The following MKLN1 variants were observed in gnomAD, a reference collection of about 807,000 sequenced individuals.
MKLN1 encodes muskelin.
A neutral mutation model predicts 99.0 loss-of-function variants in MKLN1; 18 were observed. The observed-to-expected ratio is 0.18, with a 90% confidence interval of 0.13 to 0.27. The LOEUF (loss-of-function observed/expected upper bound fraction) is 0.27, where lower values mean the gene tolerates loss of function less well. Ranked by LOEUF, MKLN1 falls within the 10% of genes least tolerant of loss-of-function variation. The pLI is 1.00. For missense variants in MKLN1, 621 were observed against 875.9 expected (o/e 0.71, Z 3.67); for synonymous variants, 288 against 293.2 (o/e 0.98, Z 0.18).
At chr7:131,342,112 T>C (rs1318423073) in intron 1 of MKLN1, among the ~76,000 whole-genome samples, 1 of 152,208 alleles carries the variant, frequency 6.6e-6, no homozygotes, top group Non-Finnish European at 1.5e-5. Context: ...GGTCATTTGC[T>C]AACTATGATT....
In MKLN1 at chr7:131,488,710, A is replaced by G. The variant is rs539736413; in HGVS notation, c.*982A>G. ...AGTTTCCAGAGCTTTGCTTTCATTT[A>G]TTTTTATACACATTGTCTCTCTATA... On this transcript the variant is annotated 3_prime_UTR_variant, in exon 18 of 18. Coordinates refer to ENST00000352689, the MANE Select transcript of MKLN1 (RefSeq NM_013255.5). 4.7e-4 allele frequency: 71 copies of G among 152,386 alleles called. No individual in the cohort carries two copies. Among genetic ancestry groups the G allele is most frequent in the African/African-American group, 1.7e-3 (71 of 41,504 alleles). The allele number at this position is 152,386 out of a possible 1,614,324, so 9.4% of individuals were successfully genotyped here. A position where few individuals can be genotyped will look rare whatever the true frequency, so the allele number is the denominator to read the frequency against.
At chr7:131,158,438 A>AAACG (rs200502336) in intron 2 of MKLN1, among the ~76,000 whole-genome samples, 250 of 152,236 alleles carry the variant, frequency 1.6e-3, no homozygotes, top group African/African-American at 5.6e-3. Flanking sequence ...CATCTCAAAC[A>AAACG]AACAAACAAA....
chr7:131,282,135 A>C (rs556215800), intron 3 of MKLN1, among the ~76,000 whole-genome samples: 27 of 152,216 alleles, frequency 1.8e-4, no homozygotes, highest in Admixed American at 1.4e-3. Flanking sequence ...GGATTACCTG[A>C]GTTTGGGAGT....
chr7:131,215,873 G>A (rs1243505454), intron 3 of MKLN1, among the ~76,000 whole-genome samples: 1 of 152,018 alleles, frequency 6.6e-6, no homozygotes, highest in Non-Finnish European at 1.5e-5. Flanking sequence ...AGCTTATTTA[G>A]CCTAACAAGC....
chr7:131,216,779 G>A (rs1796989375), intron 3 of MKLN1, among the ~76,000 whole-genome samples: 2 of 152,140 alleles, frequency 1.3e-5, no homozygotes, highest in African/African-American at 4.8e-5. Context: ...TTCTGCACCC[G>A]AAAAAACTGA....
At chr7:131,383,047 CTG>C (rs1793900954) in intron 2 of MKLN1, among the ~76,000 whole-genome samples, 1 of 152,080 alleles carries the variant, frequency 6.6e-6, no homozygotes, top group Admixed American at 6.6e-5. Flanking sequence ...TATATATGTC[CTG>C]TGTTTCTTTG....
At chr7:131,411,959 C>T (rs913628550) in intron 7 of MKLN1, among the ~76,000 whole-genome samples, 4 of 134,722 alleles carry the variant, frequency 3.0e-5, no homozygotes, top group African/African-American at 8.2e-5. Context: ...TGTTGGCAGG[C>T]ATCTGTGGTC....
chr7:131,175,177 TAGATAGAC>T (rs1442451768), intron 2 of MKLN1, among the ~76,000 whole-genome samples: 32 of 96,220 alleles, frequency 3.3e-4, no homozygotes, highest in South Asian at 1.2e-3. Context: ...TTAGATTAGA[TAGATAGAC>T]AGATAGATAG....
intron 3 of MKLN1, among the ~76,000 whole-genome samples, chr7:131,226,801 G>A (rs1029018957): frequency 1.3e-5 from 2 of 152,004 alleles, no homozygotes; most frequent in African/African-American, 4.8e-5. Context: ...TTGTTTGTTG[G>A]GGTTTTTTTT....
intron 8 of MKLN1, among the ~76,000 whole-genome samples, chr7:131,425,997 G>A (rs1795346501): frequency 6.6e-6 from 1 of 152,068 alleles, no homozygotes; most frequent in South Asian, 2.1e-4. Flanking sequence ...TTTCATTCAG[G>A]TATGTCAGAA....
chr7:131,381,102 A>G (rs192582303), intron 2 of MKLN1, among the ~76,000 whole-genome samples: 1 of 152,348 alleles, frequency 6.6e-6, no homozygotes, highest in East Asian at 1.9e-4. Flanking sequence ...CAACAGTACT[A>G]TAACTCATAT....
chr7:131,434,700 C>T (rs759602441), intron 9 of MKLN1, among the ~76,000 whole-genome samples: 5 of 152,180 alleles, frequency 3.3e-5, no homozygotes, highest in South Asian at 2.1e-4. Context: ...ACCACAGGCG[C>T]GTGCCTCCAT....
At chr7:131,128,888 C>G (rs1343044257) in intron 1 of MKLN1, among the ~76,000 whole-genome samples, 1 of 139,696 alleles carries the variant, frequency 7.2e-6, no homozygotes, top group Middle Eastern at 3.4e-3. Context: ...GTGTGTGCCA[C>G]CTCACCTATT....
intron 12 of MKLN1, among the ~76,000 whole-genome samples, chr7:131,457,463 A>G (rs537932587): frequency 5.9e-5 from 9 of 152,192 alleles, no homozygotes; most frequent in Non-Finnish European, 1.3e-4. Flanking sequence ...GGATGGTATG[A>G]GTGAATTAAT....
intron 12 of MKLN1, among the ~76,000 whole-genome samples, chr7:131,449,316 G>A (rs745639726): frequency 6.6e-6 from 1 of 152,188 alleles, no homozygotes; most frequent in Non-Finnish European, 1.5e-5. Flanking sequence ...AGAGTATTTA[G>A]TGCCTTGTTA....
At chr7:131,409,231 A>G (rs182771195) in intron 6 of MKLN1, among the ~76,000 whole-genome samples, 14 of 152,338 alleles carry the variant, frequency 9.2e-5, no homozygotes, top group Admixed American at 4.6e-4. Flanking sequence ...GCTGAATTAT[A>G]TATCTAAAGC....
chr7:131,365,133 C>G (rs186498163), intron 1 of MKLN1, among the ~76,000 whole-genome samples: 113 of 152,180 alleles, frequency 7.4e-4, no homozygotes, highest in African/African-American at 2.5e-3. Context: ...TCATTTTTGA[C>G]TTTAGTAATA....
intron 14 of MKLN1, 75 bp downstream of exon 14, chr7:131,464,483 G>A: frequency 1.2e-6 from 1 of 813,588 alleles, no homozygotes; most frequent in Non-Finnish European, 2.0e-6. Flanking sequence ...ATCTTTGATT[G>A]TTTTAAATTG....
chr7:131,139,907 A>G (rs1201237355), intron 1 of MKLN1, among the ~76,000 whole-genome samples: 1 of 152,194 alleles, frequency 6.6e-6, no homozygotes, highest in African/African-American at 2.4e-5. Flanking sequence ...CTTCAAGAGC[A>G]TTGGCAGGAG....
Sources: allele counts gnomAD v4.1 joint callset (sites outside exome capture counted in the v4.1 genomes callset), GRCh38; gene constraint gnomAD v4.1.1; transcripts MANE v1.5; gene names NCBI Gene and HGNC (gene_info 2026-07-23, HGNC 2026-07-21).